Variants in KHDRBS2 observed in about 807,000 individuals in gnomAD.
The protein encoded by KHDRBS2 is KH domain-containing, RNA-binding, signal transduction-associated protein 2.
Under a neutral mutation model 44.3 loss-of-function variants are expected in KHDRBS2, and 26 were observed. That is an observed-to-expected ratio of 0.59 (90% CI 0.43 to 0.81). The LOEUF (loss-of-function observed/expected upper bound fraction) is 0.81. Among genes scored for constraint, KHDRBS2 ranks in the 40% least tolerant of loss-of-function variants. The probability of loss-of-function intolerance (pLI) is 0.00; values close to 1 mark genes in which losing one functional copy is unlikely to be tolerated. For missense variants in KHDRBS2, 476 were observed against 433.1 expected, an observed-to-expected ratio of 1.10 and a Z score of -0.88; for synonymous variants, 194 against 151.1, an observed-to-expected ratio of 1.28 and a Z score of -2.08.
At chr6:62,162,384 C>A (rs1817834734) in intron 2 of KHDRBS2, among the ~76,000 whole-genome samples, 1 of 151,998 alleles carries the variant, frequency 6.6e-6, no homozygotes, top group Non-Finnish European at 1.5e-5. Flanking sequence ...TTCATTTTAG[C>A]ACTTGAGATA....
the KHDRBS2 span, among the ~76,000 whole-genome samples, chr6:61,628,614 G>A: frequency 6.6e-6 from 1 of 152,102 alleles, no homozygotes; most frequent in Non-Finnish European, 1.5e-5. Context: ...AACAGTGCCT[G>A]TCAAAAAGGC....
chr6:61,929,798 TA>T (rs1316683696), intron 4 of KHDRBS2, among the ~76,000 whole-genome samples: 1 of 152,164 alleles, frequency 6.6e-6, no homozygotes, highest in African/African-American at 2.4e-5. Context: ...CCTACAGATA[TA>T]TATTATATTC....
intron 4 of KHDRBS2, among the ~76,000 whole-genome samples, chr6:61,913,458 G>A (rs1407550337): frequency 6.6e-6 from 1 of 151,688 alleles, no homozygotes; most frequent in East Asian, 1.9e-4. Flanking sequence ...GGGAGCATTT[G>A]GGATTCCTTT....
intron 1 of KHDRBS2, among the ~76,000 whole-genome samples, chr6:62,212,664 TA>T (rs1330998084): frequency 7.9e-5 from 12 of 152,130 alleles, no homozygotes; most frequent in Admixed American, 1.3e-4. Context: ...ATGATGCAAC[TA>T]CATGTCAAAG....
Position 61,914,313 on chromosome 6 carries a change from C to G in KHDRBS2, c.484-12942G>C, listed in dbSNP as rs191696120. Reference sequence around the variant, plus strand: ...GCAACTGATTGAATTGTAGTGCCATCACTGAGCTGGAAAAGTTACTGAATG... The same window carrying G: ...GCAACTGATTGAATTGTAGTGCCATGACTGAGCTGGAAAAGTTACTGAATG... On this transcript the variant is annotated intron_variant, in intron 4 of 8. Transcript: ENST00000281156. 2.5e-3 allele frequency among the ~76,000 whole-genome samples: 377 copies of G among 152,202 alleles called. 3 individuals carry two copies. Among genetic ancestry groups the G allele is most frequent in the African/African-American group, 8.5e-3 (352 of 41,542 alleles).
At chr6:62,090,204 T>A (rs1799234733) in intron 2 of KHDRBS2, among the ~76,000 whole-genome samples, 1 of 152,202 alleles carries the variant, frequency 6.6e-6, no homozygotes, top group Non-Finnish European at 1.5e-5. Context: ...AAGAACTATT[T>A]AAGGAAATGG....
At chr6:61,911,572 A>G (rs1198197402) in intron 4 of KHDRBS2, among the ~76,000 whole-genome samples, 1 of 152,214 alleles carries the variant, frequency 6.6e-6, no homozygotes, top group Non-Finnish European at 1.5e-5. Flanking sequence ...TATTTACAAT[A>G]TAATACCAGT....
chr6:61,710,625 C>T (rs904536999), intron 7 of KHDRBS2, among the ~76,000 whole-genome samples: 7 of 151,040 alleles, frequency 4.6e-5, no homozygotes. Context: ...GGAACTCCTT[C>T]TACTTGTTCA....
At chr6:61,694,045 C>T (rs747441562) in intron 8 of KHDRBS2, among the ~76,000 whole-genome samples, 5 of 152,158 alleles carry the variant, frequency 3.3e-5, no homozygotes, top group Non-Finnish European at 5.9e-5. Context: ...CCTTTGATCT[C>T]AGTGCATGTA....
intron 2 of KHDRBS2, among the ~76,000 whole-genome samples, chr6:62,128,738 T>G (rs922773148): frequency 2.6e-5 from 4 of 152,118 alleles, no homozygotes; most frequent in Non-Finnish European, 4.4e-5. Flanking sequence ...TAGATGTTTA[T>G]AAGCAGCACA....
chr6:61,730,211 T>A (rs1774221312), intron 7 of KHDRBS2, among the ~76,000 whole-genome samples: 2 of 152,300 alleles, frequency 1.3e-5, no homozygotes, highest in South Asian at 4.1e-4. Context: ...AATAGGCATT[T>A]TATCATTATT....
At chr6:62,248,545 G>A (rs147621943) in intron 1 of KHDRBS2, among the ~76,000 whole-genome samples, 1 of 151,882 alleles carries the variant, frequency 6.6e-6, no homozygotes, top group Non-Finnish European at 1.5e-5. Context: ...TTTTAGTAGA[G>A]ACGGGGTTTC....
chr6:61,782,278 T>C (rs1783048840), intron 6 of KHDRBS2, among the ~76,000 whole-genome samples: 1 of 145,408 alleles, frequency 6.9e-6, no homozygotes, highest in African/African-American at 2.6e-5. Context: ...ACCTCTGTCA[T>C]CAGGTGGGAT....
At chr6:61,853,007 C>T (rs953645461) in intron 6 of KHDRBS2, among the ~76,000 whole-genome samples, 3 of 152,202 alleles carry the variant, frequency 2.0e-5, no homozygotes, top group African/African-American at 7.2e-5. Context: ...CTTCACACAA[C>T]CACACACATA....
chr6:61,732,048 T>C (rs531968396), intron 7 of KHDRBS2, among the ~76,000 whole-genome samples: 1 of 152,194 alleles, frequency 6.6e-6, no homozygotes, highest in African/African-American at 2.4e-5. Flanking sequence ...TATATCTTAA[T>C]TTTGGTGGTC....
the KHDRBS2 span, among the ~76,000 whole-genome samples, chr6:61,588,325 T>C: frequency 2.6e-5 from 4 of 152,110 alleles, no homozygotes; most frequent in African/African-American, 9.7e-5. Context: ...TTTGTATTCA[T>C]TTCTCTCTCC....
the KHDRBS2 span, among the ~76,000 whole-genome samples, chr6:61,603,097 C>A: frequency 6.6e-6 from 1 of 152,258 alleles, no homozygotes; most frequent in South Asian, 2.1e-4. Flanking sequence ...GCCAATATCC[C>A]ATCCCACAGC....
chr6:62,139,674 T>C (rs9454440), intron 2 of KHDRBS2, among the ~76,000 whole-genome samples: 4,934 of 152,264 alleles, frequency 0.032, 269 homozygotes, highest in African/African-American at 0.11. Flanking sequence ...TATTTCACAT[T>C]ATATAACACC....
At chr6:61,848,528 T>TAC (rs1199525399) in intron 6 of KHDRBS2, among the ~76,000 whole-genome samples, 1,092 of 53,354 alleles carry the variant, frequency 0.02, 56 homozygotes, top group African/African-American at 0.04. Context: ...TGTATATATA[T>TAC]ATACATATAT....
Sources: gnomAD v4.1 joint callset for allele counts (sites outside exome capture counted in the v4.1 genomes callset) on GRCh38, gnomAD v4.1.1 for gene constraint, MANE v1.5 for transcripts, NCBI Gene and HGNC (gene_info 2026-07-23, HGNC 2026-07-21) for gene names.